Variants in UGT1A6 observed in about 807,000 individuals in gnomAD.
UGT1A6 encodes UDP-glucuronosyltransferase 1A6.
In UGT1A6, 32 loss-of-function variants were observed where a neutral mutation model predicts 44.4. The ratio of observed to expected loss-of-function variants is 0.72; its 90% CI spans 0.54 to 0.97. The LOEUF (loss-of-function observed/expected upper bound fraction) is 0.97. UGT1A6 is among the 50% of genes least tolerant of loss of function. The probability of loss-of-function intolerance (pLI) is 0.00; values close to 1 mark genes in which losing one functional copy is unlikely to be tolerated. For synonymous variants in UGT1A6, 238 were observed against 248.5 expected (o/e 0.96, Z 0.40); for missense variants, 685 against 661.9 (o/e 1.03, Z -0.38).
intron 1 of UGT1A6, among the ~76,000 whole-genome samples, chr2:233,739,591 A>G (rs1168913581): frequency 1.3e-5 from 2 of 152,242 alleles, no homozygotes; most frequent in Non-Finnish European, 2.9e-5. Flanking sequence ...CATGGGGCCT[A>G]TAGCCCCTTT....
intron 1 of UGT1A6, among the ~76,000 whole-genome samples, chr2:233,725,182 A>G (rs1185569328): frequency 3.4e-5 from 3 of 87,630 alleles, no homozygotes; most frequent in African/African-American, 2.7e-4. Flanking sequence ...CCGTGGGGAG[A>G]GGCAGAGGCA....
chr2:233,745,165 T>C (rs992163806), intron 1 of UGT1A6, among the ~76,000 whole-genome samples: 1 of 151,884 alleles, frequency 6.6e-6, no homozygotes, highest in African/African-American at 2.4e-5. Flanking sequence ...CAAATGTGCA[T>C]GTTATTCACT....
rs188031736 is a variant in UGT1A6 at position 233,693,529 on chromosome 2, G to A, written c.525G>A (p.Pro175=). The A allele has an allele frequency of 5.1e-5, 83 of 1,614,154 alleles. No homozygotes were observed. The Middle Eastern group carries it at 8.2e-4, about 16-fold the overall frequency. ...CTGTGTACCTCTTCAGGGGTTTTCC[G>A]TGTTCCCTGGAGCATACATTCAGCA... ...LPSVYLFRGF[P]CSLEHTFSRS... The change falls in exon 1 of 5, where the codon CCG becomes CCA. Residue 175 remains proline, a synonymous_variant. Transcript: ENST00000305139.
intron 1 of UGT1A6, among the ~76,000 whole-genome samples, chr2:233,748,665 G>C (rs2125893824): frequency 6.6e-6 from 1 of 151,856 alleles, no homozygotes; most frequent in South Asian, 2.1e-4. Context: ...AGTTTCCAGA[G>C]AGGGATCTGT....
In UGT1A6 at chr2:233,772,647, T is replaced by C. The variant is rs1430291963; in HGVS notation, c.*88T>C. 7 of 1,549,866 alleles carry C rather than the reference T, an allele frequency of 4.5e-6. No homozygotes were observed. In the African/African-American group the frequency reaches 5.5e-5, roughly 12 times the overall value. On this transcript the variant is annotated 3_prime_UTR_variant, in exon 5 of 5. Transcript: ENST00000305139. ...CAGAATCAGTGTTAAATTCATTTTATTCTTATTAAGGAAATACTTTGCATA... is the reference window on the plus strand; with the variant it reads ...CAGAATCAGTGTTAAATTCATTTTACTCTTATTAAGGAAATACTTTGCATA...
At position 233,726,533 on chromosome 2, in the gene UGT1A6, T is replaced by A. The variant is rs137884308; in HGVS notation, c.861+32668T>A. 1.1e-3 allele frequency among the ~76,000 whole-genome samples: 170 copies of A among 152,338 alleles called. 1 individual carries two copies. Among genetic ancestry groups the A allele is most frequent in the African/African-American group, 3.9e-3 (162 of 41,582 alleles). On this transcript the variant is annotated intron_variant, in intron 1 of 4. Coordinates refer to ENST00000305139, the MANE Select transcript of UGT1A6 (RefSeq NM_001072.4). ...TGGTACTTTTCCACTTTTAGGGAGATGCAGTGCAGCGTCTTCAAGTCTCCC... is the reference window on the plus strand; with the variant it reads ...TGGTACTTTTCCACTTTTAGGGAGAAGCAGTGCAGCGTCTTCAAGTCTCCC...
chr2:233,762,314 C>T (rs548976022), intron 1 of UGT1A6, among the ~76,000 whole-genome samples: 27 of 152,272 alleles, frequency 1.8e-4, no homozygotes, highest in African/African-American at 5.3e-4. Context: ...GTTAATGGGT[C>T]GAGAGTAATC....
At chr2:233,729,153 G>A in intron 1 of UGT1A6, 4 of 1,613,546 alleles carry the variant, frequency 2.5e-6, no homozygotes, top group Non-Finnish European at 3.4e-6. Context: ...AGGTTCCCCT[G>A]CCGTGGCTGG....
intron 1 of UGT1A6, among the ~76,000 whole-genome samples, chr2:233,709,652 C>CTTTG (rs930878548): frequency 6.6e-6 from 1 of 152,042 alleles, no homozygotes; most frequent in Non-Finnish European, 1.5e-5. Flanking sequence ...ATAGGTAGGG[C>CTTTG]TTTGTATAGT....
chr2:233,768,054 A>T (rs1384127703), intron 3 of UGT1A6, 118 bp downstream of exon 3: 6 of 1,603,138 alleles, frequency 3.7e-6, no homozygotes, highest in Non-Finnish European at 5.1e-6. Context: ...CATATCCTAC[A>T]TTGCTTTTTA....
intron 1 of UGT1A6, among the ~76,000 whole-genome samples, chr2:233,710,562 A>C (rs995361166): frequency 9.2e-5 from 14 of 152,172 alleles, no homozygotes; most frequent in African/African-American, 3.4e-4. Context: ...TTTTCTTTTA[A>C]AAGGTGCCCT....
At chr2:233,750,064 T>C (rs1472554795) in intron 1 of UGT1A6, among the ~76,000 whole-genome samples, 1 of 151,832 alleles carries the variant, frequency 6.6e-6, no homozygotes, top group East Asian at 1.9e-4. Context: ...ACTTTGGAAC[T>C]GGGTAACAGG....
Position 233,722,831 on chromosome 2 carries a change from TAATAAG to T in UGT1A6, c.861+28970_861+28975del, listed in dbSNP as rs774819314. On this transcript the variant is annotated intron_variant, in intron 1 of 4. Coordinates refer to ENST00000305139, the MANE Select transcript of UGT1A6 (RefSeq NM_001072.4). ...TATTTTTTCAAGTTATTTTGTATTA[TAATAAG>T]AATGTTTCTTTTTTTTTTTTTTGAA... Among the ~76,000 whole-genome samples the T allele has an allele frequency of 7.7e-4, 116 of 149,718 alleles. 2 individuals are homozygous for T. The highest frequency in any genetic ancestry group is 2.2e-3 in the Admixed American group (33 of 14,992).
chr2:233,751,910 A>G (rs1006806920), intron 1 of UGT1A6, among the ~76,000 whole-genome samples: 1 of 152,180 alleles, frequency 6.6e-6, no homozygotes, highest in African/African-American at 2.4e-5. Context: ...AGAACAGACT[A>G]ATACAAGATT....
At chr2:233,733,215 C>T (rs1311837703) in intron 1 of UGT1A6, among the ~76,000 whole-genome samples, 2 of 152,150 alleles carry the variant, frequency 1.3e-5, no homozygotes, top group East Asian at 3.8e-4. Flanking sequence ...TGGGCTGAGA[C>T]AATGGGGTTT....
intron 1 of UGT1A6, among the ~76,000 whole-genome samples, chr2:233,761,605 A>G (rs1697811953): frequency 6.6e-6 from 1 of 152,260 alleles, no homozygotes; most frequent in South Asian, 2.1e-4. Context: ...TCCAGTTTCT[A>G]AATATTCTGA....
intron 1 of UGT1A6, among the ~76,000 whole-genome samples, chr2:233,724,270 G>C (rs1404305230): frequency 7.4e-6 from 1 of 134,526 alleles, no homozygotes; most frequent in African/African-American, 2.8e-5. Context: ...CGGACGGGGC[G>C]GCTGGCCGGG....
intron 1 of UGT1A6, among the ~76,000 whole-genome samples, chr2:233,757,672 G>A (rs1236186994): frequency 2.0e-5 from 3 of 151,168 alleles, no homozygotes; most frequent in Admixed American, 2.0e-4. Context: ...GGAAATTCAA[G>A]GAATTCAAGG....
chr2:233,769,576 T>C lies in UGT1A6; in HGVS notation c.1301+1137T>C. The C allele has an allele frequency of 3.1e-6, 5 of 1,612,860 alleles. No individual in the cohort carries two copies. Among genetic ancestry groups the C allele is most frequent in the Non-Finnish European group, 4.2e-6 (5 of 1,179,860 alleles). ...GACAGATGTGAAGAGCTGGAGCATG[T>C]TCAGATGAGAGGAGACGGAACACGG... On this transcript the variant is annotated intron_variant, in intron 4 of 4. Coordinates refer to ENST00000305139, the MANE Select transcript of UGT1A6 (RefSeq NM_001072.4). The surrounding 1 kb of genome is among the most constrained non-coding windows in gnomAD (Gnocchi z 4.4).
Sources: allele counts gnomAD v4.1 joint callset (sites outside exome capture counted in the v4.1 genomes callset), GRCh38; gene constraint gnomAD v4.1.1; non-coding constraint Gnocchi (gnomAD v3.1); transcripts MANE v1.5; gene names NCBI Gene and HGNC (gene_info 2026-07-23, HGNC 2026-07-21).